COL5A1: variants seen among roughly 807,000 people sequenced by gnomAD.
COL5A1 encodes the protein collagen alpha-1(V) chain.
COL5A1 carries 16 observed loss-of-function variants against 263.7 expected under a neutral mutation model. The ratio of observed to expected loss-of-function variants is 0.06; its 90% CI spans 0.04 to 0.09. The LOEUF (loss-of-function observed/expected upper bound fraction) is 0.09, where lower values mean the gene tolerates loss of function less well. COL5A1 is among the 10% of genes least tolerant of loss of function. COL5A1 has a pLI of 1.00. For missense variants in COL5A1, 2,036 were observed against 2,540.5 expected, an observed-to-expected ratio of 0.80 and a Z score of 4.27; for synonymous variants, 1,012 against 1,004.5, an observed-to-expected ratio of 1.01 and a Z score of -0.14.
chr9:134,764,403 C>G (rs12380517), intron 20 of COL5A1, among the ~76,000 whole-genome samples: 15,352 of 128,526 alleles, frequency 0.12, 1,347 homozygotes, highest in East Asian at 0.32. Context: ...ACAGTGGCAT[C>G]CAGGGGCATT....
At position 134,700,658 on chromosome 9, in the gene COL5A1, AG is replaced by A. The variant is rs1833638614; in HGVS notation, c.492-512del. Among the ~76,000 whole-genome samples, 1 of 152,252 alleles carries A rather than the reference AG, an allele frequency of 6.6e-6. No homozygotes were observed. On this transcript the variant is annotated intron_variant, in intron 3 of 65. Transcript: ENST00000371817. The surrounding 1 kb of genome is among the most constrained non-coding windows in gnomAD (Gnocchi z 4.0). The stretch of plus-strand genomic sequence containing the variant: ...TACATGATTTCTGAATTCTTCGCCA[AG>A]ACTTTCAGACAGATCCACTCCTTCC...
chr9:134,828,402 A>ACCG (rs1220489864), intron 63 of COL5A1, among the ~76,000 whole-genome samples: 1 of 151,896 alleles, frequency 6.6e-6, no homozygotes, highest in Non-Finnish European at 1.5e-5. Flanking sequence ...AGCAGCCCTC[A>ACCG]CCCGCACACG....
chr9:134,699,184 T>C (rs933936267), intron 2 of COL5A1, among the ~76,000 whole-genome samples: 14 of 152,160 alleles, frequency 9.2e-5, no homozygotes, highest in Admixed American at 3.9e-4. Context: ...GGCAGATATG[T>C]GGAGTGGGCT....
chr9:134,705,884 C>T (rs563029504), intron 4 of COL5A1, among the ~76,000 whole-genome samples: 1 of 152,210 alleles, frequency 6.6e-6, no homozygotes, highest in East Asian at 1.9e-4. Context: ...GAGGATGGAG[C>T]CGCTGAGAGG....
chr9:134,756,882 A>T (rs1277942408), intron 17 of COL5A1, 64 bp downstream of exon 17: 1 of 1,498,230 alleles, frequency 6.7e-7, no homozygotes, highest in Non-Finnish European at 9.3e-7. Flanking sequence ...CATGTTGATG[A>T]TGTAACCAAA....
intron 1 of COL5A1, among the ~76,000 whole-genome samples, chr9:134,684,441 G>A (rs535103887): frequency 3.3e-5 from 5 of 152,338 alleles, no homozygotes; most frequent in Non-Finnish European, 7.3e-5. Context: ...TGAGCCTCAG[G>A]CCTTAAGGGG....
Position 134,823,122 on chromosome 9 carries a change from A to G in COL5A1, c.4644+89A>G, listed in dbSNP as rs1432340708. 4.1e-6 allele frequency: 6 copies of G among 1,449,120 alleles called. No homozygotes were observed. The African/African-American group carries it at 5.6e-5, about 14-fold the overall frequency. The allele number at this position is 1,449,120 out of a possible 1,614,324, so 89.8% of individuals were successfully genotyped here. A position where few individuals can be genotyped will look rare whatever the true frequency, so the allele number is the denominator to read the frequency against. On this transcript the variant is annotated intron_variant, in intron 60 of 65. Coordinates refer to ENST00000371817, the MANE Select transcript of COL5A1 (RefSeq NM_000093.5). ...GGCACGGGAACAAACTACCCAGACA[A>G]CCGTCCTAGCTCAGGCCCTGCTGCT...
rs1185588519 is a variant in COL5A1 at position 134,652,546 on chromosome 9, T to G, written c.109+10250T>G. Among the ~76,000 whole-genome samples the G allele has an allele frequency of 6.6e-6, 1 of 152,106 alleles. No homozygotes were observed. Among genetic ancestry groups the G allele is most frequent in the East Asian group, 1.9e-4 (1 of 5,184 alleles). ...GGAGATGTTTTCTGATTGTCGCACC[T>G]GGGGTGGGGGCAGGGCTATCGGCCT... On this transcript the variant is annotated intron_variant, in intron 1 of 65. Transcript: ENST00000371817. This position sits in a 1 kb window ranked among gnomAD's most constrained non-coding sequence, Gnocchi z 4.4.
At chr9:134,840,010 G>A (rs1839970149) in intron 65 of COL5A1, among the ~76,000 whole-genome samples, 1 of 152,396 alleles carries the variant, frequency 6.6e-6, no homozygotes, top group Admixed American at 6.5e-5. Context: ...GTGTTTTGCT[G>A]TCAAGTCCGG....
In COL5A1 at chr9:134,765,624, GA is replaced by G; in HGVS notation, c.2035-56del. ...GGGCCAAGTGGGCATAGGGGACAGA[GA>G]GGAGGGCTGGGATTTCTGCCCGAGT... On this transcript the variant is annotated intron_variant, in intron 20 of 65. Coordinates refer to ENST00000371817, the MANE Select transcript of COL5A1 (RefSeq NM_000093.5). The surrounding 1 kb of genome is among the most constrained non-coding windows in gnomAD (Gnocchi z 5.1). 1 of 1,510,500 alleles carries G rather than the reference GA, an allele frequency of 6.6e-7. No homozygotes were observed. Among genetic ancestry groups the G allele is most frequent in the Non-Finnish European group, 9.2e-7 (1 of 1,085,816 alleles). The allele number at this position is 1,510,500 out of a possible 1,614,324, so 93.6% of individuals were successfully genotyped here.
intron 9 of COL5A1, among the ~76,000 whole-genome samples, chr9:134,733,490 C>T (rs911538579): frequency 3.9e-5 from 6 of 152,214 alleles, no homozygotes; most frequent in African/African-American, 1.4e-4. Flanking sequence ...CTCGGACCCC[C>T]TTTCCAGTGC....
At position 134,728,673 on chromosome 9, in the gene COL5A1, A is replaced by C. The variant is rs863223440; in HGVS notation, c.790A>C (p.Thr264Pro). 24 of 1,613,912 alleles carry C rather than the reference A, an allele frequency of 1.5e-5. No homozygotes were observed. The highest frequency in any genetic ancestry group is 1.7e-5 in the Non-Finnish European group (20 of 1,180,034). ...SQDPNPDEYY[T>P]EGDGEGETYY... Reference sequence around the variant, plus strand: ...CGGGGCCGCAATTCGCTTTCAGTACACGGAAGGAGACGGCGAGGGTGAGAC... The same window carrying C: ...CGGGGCCGCAATTCGCTTTCAGTACCCGGAAGGAGACGGCGAGGGTGAGAC... The change falls in exon 6 of 66, where the codon ACG (threonine) becomes CCG (proline). Residue 264 changes from threonine (T) to proline (P), a missense_variant. Around this residue, in one of 3 missense-constraint regions of COL5A1, gnomAD observed 600 missense variants for 634.5 expected, o/e 0.95. Transcript: ENST00000371817.
chr9:134,765,574 C>G lies in COL5A1; in HGVS notation c.2035-107C>G. On this transcript the variant is annotated intron_variant, in intron 20 of 65. Coordinates refer to ENST00000371817, the MANE Select transcript of COL5A1 (RefSeq NM_000093.5). The surrounding 1 kb of genome is among the most constrained non-coding windows in gnomAD (Gnocchi z 5.1). ...CTGGGAGGCCAGGAGGCCTGAGTCA[C>G]CAGCTGGGGTTCTGGGTGGAGTCAG... The G allele has an allele frequency of 6.0e-6, 6 of 1,006,476 alleles. 1 individual carries two copies. The Middle Eastern group carries it at 1.3e-3, about 210-fold the overall frequency. The allele number at this position is 1,006,476 out of a possible 1,614,324, so 62.3% of individuals were successfully genotyped here.
In COL5A1 at chr9:134,696,316, GGT is replaced by G. The variant is rs1331043787; in HGVS notation, c.278-3587_278-3586del. Among the ~76,000 whole-genome samples the G allele has an allele frequency of 2.0e-5, 3 of 152,050 alleles. No individual in the cohort carries two copies. The highest frequency in any genetic ancestry group is 4.4e-5 in the Non-Finnish European group (3 of 68,022). On this transcript the variant is annotated intron_variant, in intron 2 of 65. Coordinates refer to ENST00000371817, the MANE Select transcript of COL5A1 (RefSeq NM_000093.5). The surrounding 1 kb of genome is among the most constrained non-coding windows in gnomAD (Gnocchi z 4.3). ...AGCCCCCCGAGTAGTTGGGATTACAGGTGTGTGCCACCACACCCGGCTAATTT... is the reference window on the plus strand; with the variant it reads ...AGCCCCCCGAGTAGTTGGGATTACAGGTGTGCCACCACACCCGGCTAATTT...
intron 65 of COL5A1, among the ~76,000 whole-genome samples, chr9:134,840,742 C>G (rs1328563115): frequency 2.0e-5 from 3 of 152,272 alleles, no homozygotes; most frequent in Non-Finnish European, 2.9e-5. Flanking sequence ...TGGTGAGCTC[C>G]CCTCTGGGCT....
At chr9:134,802,717 C>A (rs1366800316) in intron 38 of COL5A1, among the ~76,000 whole-genome samples, 171 bp from the exon 39 acceptor site, 1 of 152,226 alleles carries the variant, frequency 6.6e-6, no homozygotes, top group Non-Finnish European at 1.5e-5. Flanking sequence ...CAACACCCAC[C>A]CTCTAGATTT....
At chr9:134,718,199 C>T (rs1834338458) in intron 4 of COL5A1, among the ~76,000 whole-genome samples, 1 of 152,220 alleles carries the variant, frequency 6.6e-6, no homozygotes, top group Admixed American at 6.5e-5. Context: ...CCCATCTCTG[C>T]CAGAGCCAAG....
In COL5A1 at chr9:134,730,032, G is replaced by A. The variant is rs1303369129; in HGVS notation, c.925-204G>A. On this transcript the variant is annotated intron_variant, in intron 6 of 65. Transcript: ENST00000371817. ...TTAGTAACTGGGGGCTTGCAGCTGG[G>A]CTGCCTTCTTCCCACTTGCTCTGCC... Among the ~76,000 whole-genome samples, 5 of 152,302 alleles carry A rather than the reference G, an allele frequency of 3.3e-5. No homozygotes were observed. In the East Asian group the frequency reaches 9.7e-4, roughly 29 times the overall value.
In COL5A1 at chr9:134,673,459, C is replaced by CAA. The variant is rs35466442; in HGVS notation, c.110-17437_110-17436dup. Among the ~76,000 whole-genome samples the CAA allele has an allele frequency of 7.1e-3, 735 of 103,046 alleles. 4 individuals are homozygous for CAA. The highest frequency in any genetic ancestry group is 0.011 in the African/African-American group (345 of 30,300). 67.6% of individuals were successfully genotyped at this position (103,046 alleles called of 152,430 possible). A position where few individuals can be genotyped will look rare whatever the true frequency, so the allele number is the denominator to read the frequency against. ...TGGGCAATATGGCGAGACTCCATCT[C>CAA]AAAAAAAAAAAAAAAAATGCTAAGA... On this transcript the variant is annotated intron_variant, in intron 1 of 65. Transcript: ENST00000371817.
Sources: allele counts gnomAD v4.1 joint callset (sites outside exome capture counted in the v4.1 genomes callset), GRCh38; gene constraint gnomAD v4.1.1; regional missense constraint gnomAD v4.1.1; non-coding constraint Gnocchi (gnomAD v3.1); transcripts MANE v1.5; gene names NCBI Gene and HGNC (gene_info 2026-07-23, HGNC 2026-07-21).